TUT7: variants seen among roughly 807,000 people sequenced by gnomAD.
TUT7 encodes the protein terminal uridylyltransferase 7.
In TUT7, 33 loss-of-function variants were observed where a neutral mutation model predicts 165.9. That is an observed-to-expected ratio of 0.20 (90% confidence interval 0.15 to 0.27). TUT7 has a LOEUF of 0.27. TUT7 is among the 10% of genes least tolerant of loss of function. The pLI is 1.00. For synonymous variants in TUT7, 552 were observed against 608.1 expected (o/e 0.91, Z 1.36); for missense variants, 1,338 against 1,762.3 (o/e 0.76, Z 4.31).
At chr9:86,332,024 A>T (rs939643948) in intron 10 of TUT7, among the ~76,000 whole-genome samples, 7 of 152,214 alleles carry the variant, frequency 4.6e-5, no homozygotes, top group Admixed American at 2.0e-4. Flanking sequence ...CAATCATTAG[A>T]GAAATACAAA....
chr9:86,313,126 T>TA (rs1554697541), intron 17 of TUT7, among the ~76,000 whole-genome samples: 2 of 142,550 alleles, frequency 1.4e-5, no homozygotes, highest in Non-Finnish European at 3.1e-5. Flanking sequence ...GAATGATCAA[T>TA]AATAAATAAA....
chr9:86,298,602 TAAAG>T (rs1373215664), intron 26 of TUT7, among the ~76,000 whole-genome samples: 3 of 152,078 alleles, frequency 2.0e-5, no homozygotes, highest in Non-Finnish European at 2.9e-5. Context: ...CTTTAGGAAA[TAAAG>T]GTAGAGGATG....
intron 7 of TUT7, 94 bp downstream of exon 7, chr9:86,340,908 A>G: frequency 5.2e-6 from 5 of 956,530 alleles, no homozygotes. Flanking sequence ...AATAATTTTA[A>G]AAGCATGCCT....
chr9:86,325,491 T>G lies in TUT7; in HGVS notation c.1632A>C (p.Lys544Asn). Residue 544 changes from lysine to asparagine, a missense_variant, in exon 12 of 27, where the codon AAA (lysine) becomes AAC (asparagine). By Grantham distance (94) the Lys-to-Asn change is moderately conservative. Coordinates refer to ENST00000375963, the MANE Select transcript of TUT7 (RefSeq NM_024617.4). Reference sequence around the variant, plus strand: ...GCCCAACTGGTACTGAAGGCTGGTGTTTCACATCCAATATTAATGACACCT... The same window carrying G: ...GCCCAACTGGTACTGAAGGCTGGTGGTTCACATCCAATATTAATGACACCT... ...RGQVSLILDV[K>N]HQPSVPVGQL... is the part of the protein sequence containing the mutation. The G allele has an allele frequency of 6.2e-7, 1 of 1,613,718 alleles. No individual in the cohort carries two copies. Among genetic ancestry groups the G allele is most frequent in the Admixed American group, 1.7e-5 (1 of 59,972 alleles).
At chr9:86,349,428 G>C (rs1474985888) in intron 2 of TUT7, among the ~76,000 whole-genome samples, 1 of 152,162 alleles carries the variant, frequency 6.6e-6, no homozygotes, top group Non-Finnish European at 1.5e-5. Flanking sequence ...AAGGACATGT[G>C]TATTTGAGTG....
Position 86,319,644 on chromosome 9 carries a change from C to A in TUT7, c.3055G>T (p.Asp1019Tyr). The change falls in exon 15 of 27, where the codon GAT becomes TAT. Residue 1019 changes from aspartate (D) to tyrosine (Y), a missense_variant. By Grantham distance (160) the Asp-to-Tyr change is radical (BLOSUM62 -3). Around this residue, in one of 7 missense-constraint regions of TUT7, gnomAD observed 425 missense variants for 474.9 expected, o/e 0.89. Transcript: ENST00000375963. ...TGCCGAATATGTTCACGAGCCTGAT[C>A]TTCTATAATTGTTGGAGAAAAATCC... ...YKDFSPTIIEDQAREHIRQNL... is the reference protein window; with the variant it reads ...YKDFSPTIIEYQAREHIRQNL... 6.2e-7 allele frequency: 1 copy of A among 1,608,658 alleles called. No individual in the cohort carries two copies. The highest frequency in any genetic ancestry group is 8.5e-7 in the Non-Finnish European group (1 of 1,178,048).
At chr9:86,352,589 A>C (rs2131634534) in intron 2 of TUT7, 91 bp downstream of exon 2, 1 of 1,465,366 alleles carries the variant, frequency 6.8e-7, no homozygotes, top group African/African-American at 1.4e-5. Flanking sequence ...ACTGAAACTA[A>C]ATTGCTGAAA....
intron 9 of TUT7, among the ~76,000 whole-genome samples, chr9:86,338,007 A>G (rs1830978146): frequency 6.6e-6 from 1 of 152,048 alleles, no homozygotes; most frequent in South Asian, 2.1e-4. Flanking sequence ...AATGGAAATA[A>G]CAACTAAAAG....
chr9:86,334,997 T>C (rs1231796856), intron 10 of TUT7, among the ~76,000 whole-genome samples: 1 of 152,208 alleles, frequency 6.6e-6, no homozygotes, highest in African/African-American at 2.4e-5. Flanking sequence ...TGTTTCTGTA[T>C]GTTGCCCAGA....
chr9:86,349,536 G>A (rs1253704772), intron 2 of TUT7, among the ~76,000 whole-genome samples: 1 of 151,998 alleles, frequency 6.6e-6, no homozygotes, highest in East Asian at 1.9e-4. Flanking sequence ...GTAATGTAGA[G>A]CTGAAAAAAA....
intron 26 of TUT7, among the ~76,000 whole-genome samples, chr9:86,300,652 A>T (rs1473269444): frequency 6.6e-6 from 1 of 152,164 alleles, no homozygotes; most frequent in Non-Finnish European, 1.5e-5. Flanking sequence ...GTATTTAACA[A>T]CTCAAAGGGG....
At chr9:86,319,121 T>G in intron 15 of TUT7, 63 bp from the exon 16 acceptor site, 4 of 1,191,902 alleles carry the variant, frequency 3.4e-6, no homozygotes, top group Non-Finnish European at 4.8e-6. Flanking sequence ...TTGATCAAAA[T>G]GGCCCTCTCA....
intron 10 of TUT7, among the ~76,000 whole-genome samples, chr9:86,336,683 G>C (rs925681691): frequency 2.0e-5 from 3 of 152,150 alleles, no homozygotes; most frequent in Non-Finnish European, 4.4e-5. Flanking sequence ...TCACTAAGGG[G>C]TCTTTCTATA....
intron 6 of TUT7, 36 bp from the exon 7 acceptor site, chr9:86,341,089 C>T: frequency 6.3e-7 from 1 of 1,577,550 alleles, no homozygotes; most frequent in Non-Finnish European, 8.7e-7. Context: ...GAAATTATTC[C>T]TAAGTGATTT....
chr9:86,331,360 T>C (rs1365593295), intron 10 of TUT7, among the ~76,000 whole-genome samples: 1 of 152,210 alleles, frequency 6.6e-6, no homozygotes, highest in South Asian at 2.1e-4. Context: ...TAAATATTAA[T>C]TAGGTCAAGG....
In TUT7 at chr9:86,346,380, A is replaced by T. The variant is rs1831767609; in HGVS notation, c.621T>A (p.Ser207=). 6.2e-7 allele frequency: 1 copy of T among 1,614,008 alleles called. No homozygotes were observed. Among genetic ancestry groups the T allele is most frequent in the African/African-American group, 1.3e-5 (1 of 74,910 alleles). ...GDLEGPVIDE[S]VLSTKELLGL... is the part of the protein sequence containing the mutation. ...CTAGCAGCTCCTTCGTTGAAAGTAC[A>T]GACTCATCGATCACAGGGCCTTCCA... Residue 207 remains serine, a synonymous_variant, in exon 3 of 27, where the codon TCT becomes TCA. Transcript: ENST00000375963.
chr9:86,306,682 C>T (rs1827520786), intron 22 of TUT7, among the ~76,000 whole-genome samples: 1 of 152,088 alleles, frequency 6.6e-6, no homozygotes, highest in Non-Finnish European at 1.5e-5. Context: ...TGGTGTGTGC[C>T]TGTAGTCCCA....
intron 26 of TUT7, among the ~76,000 whole-genome samples, chr9:86,291,372 G>A (rs143350716): frequency 9.4e-4 from 142 of 151,834 alleles, no homozygotes; most frequent in Non-Finnish European, 1.9e-3. Flanking sequence ...GGAGTTCAAG[G>A]CCAGCCTGGC....
intron 2 of TUT7, 110 bp from the exon 3 acceptor site, chr9:86,346,590 A>C (rs1831790782): frequency 2.7e-6 from 3 of 1,120,028 alleles, no homozygotes; most frequent in Non-Finnish European, 3.8e-6. Flanking sequence ...TCACATCTGC[A>C]TGCAGAGCAG....
Sources: gnomAD v4.1 joint callset for allele counts (sites outside exome capture counted in the v4.1 genomes callset) on GRCh38, gnomAD v4.1.1 for gene constraint, gnomAD v4.1.1 regional missense constraint, MANE v1.5 for transcripts, NCBI Gene and HGNC (gene_info 2026-07-23, HGNC 2026-07-21) for gene names.